The following MCUB variants were observed in gnomAD, a reference collection of about 807,000 sequenced individuals.
The protein encoded by MCUB is calcium uniporter regulatory subunit MCUb, mitochondrial.
Under a neutral mutation model 41.4 loss-of-function variants are expected in MCUB, and 46 were observed. The observed-to-expected ratio is 1.11, with a 90% CI of 0.88 to 1.42. MCUB has a LOEUF of 1.42. Among genes scored for constraint, MCUB ranks in the 40% most tolerant of loss-of-function variants. The probability of loss-of-function intolerance (pLI) is 0.00; values close to 1 mark genes in which losing one functional copy is unlikely to be tolerated. For synonymous variants in MCUB, 148 were observed against 148.2 expected, an observed-to-expected ratio of 1.00 and a Z score of 0.01; for missense variants, 403 against 404.9, an observed-to-expected ratio of 1.00 and a Z score of 0.04.
At chr4:109,578,838 G>A (rs949835568) in intron 1 of MCUB, among the ~76,000 whole-genome samples, 5 of 152,090 alleles carry the variant, frequency 3.3e-5, no homozygotes, top group Non-Finnish European at 5.9e-5. Flanking sequence ...CACAGAAATA[G>A]ACATGGGCAA....
chr4:109,605,683 A>G (rs1033839846), intron 1 of MCUB, among the ~76,000 whole-genome samples: 1 of 152,074 alleles, frequency 6.6e-6, no homozygotes, highest in Non-Finnish European at 1.5e-5. Context: ...AGCTCTAATA[A>G]TATTTGCTTT....
intron 1 of MCUB, among the ~76,000 whole-genome samples, chr4:109,633,304 G>A (rs1169738785): frequency 6.6e-6 from 1 of 151,816 alleles, no homozygotes; most frequent in Non-Finnish European, 1.5e-5. Context: ...GTCTCGGTCT[G>A]TCGCCCGGGC....
intron 1 of MCUB, among the ~76,000 whole-genome samples, chr4:109,568,876 C>T (rs1726843507): frequency 6.6e-6 from 1 of 152,076 alleles, no homozygotes; most frequent in South Asian, 2.1e-4. Context: ...ATATAAAGTT[C>T]CTTAATGGTG....
intron 1 of MCUB, among the ~76,000 whole-genome samples, chr4:109,569,497 CTTTTTT>C (rs35808519): frequency 1.6e-4 from 14 of 87,200 alleles, no homozygotes; most frequent in Admixed American, 1.1e-3. Flanking sequence ...TTGGCTATCC[CTTTTTT>C]TTTTTTTTTT....
At chr4:109,677,549 G>A (rs1729600251) in intron 4 of MCUB, among the ~76,000 whole-genome samples, 1 of 152,198 alleles carries the variant, frequency 6.6e-6, no homozygotes, top group Admixed American at 6.5e-5. Context: ...CTGTTGGGAA[G>A]TGGGACATTT....
At chr4:109,684,823 T>C in intron 6 of MCUB, 177 bp downstream of exon 6, 1 of 527,330 alleles carries the variant, frequency 1.9e-6, no homozygotes, top group Non-Finnish European at 3.3e-6. Context: ...CACAGAGAAA[T>C]TATATATAAC....
At chr4:109,660,098 T>C (rs1239364397) in intron 2 of MCUB, 97 bp from the exon 3 acceptor site, 1 of 663,286 alleles carries the variant, frequency 1.5e-6, no homozygotes, top group African/African-American at 1.8e-5. Context: ...CAGAGGTTTG[T>C]GAATTTCATG....
At chr4:109,626,246 G>A (rs1283726099) in intron 1 of MCUB, among the ~76,000 whole-genome samples, 1 of 152,092 alleles carries the variant, frequency 6.6e-6, no homozygotes, top group Non-Finnish European at 1.5e-5. Context: ...ATATGTGGAA[G>A]ATTTTTCTGG....
rs1018184758 is a variant in MCUB, at chr4:109,640,655, T to C, written c.100-18356T>C. On this transcript the variant is annotated intron_variant, in intron 1 of 7. Coordinates refer to ENST00000394650, the MANE Select transcript of MCUB (RefSeq NM_017918.5). ...CAGTTCTCTCATTTCTCTCAGACTT[T>C]ACAGAATTGAAGAGAGTTAGACCTT... Among the ~76,000 whole-genome samples, 10 of 152,232 alleles carry C rather than the reference T, an allele frequency of 6.6e-5. 1 individual carries two copies. The highest frequency in any genetic ancestry group is 5.9e-4 in the Admixed American group (9 of 15,288).
chr4:109,577,368 C>T (rs11939571), intron 1 of MCUB, among the ~76,000 whole-genome samples: 29,227 of 152,040 alleles, frequency 0.19, 3,917 homozygotes, highest in African/African-American at 0.37. Flanking sequence ...ACATGTAAAA[C>T]GATAGCTAAT....
intron 1 of MCUB, among the ~76,000 whole-genome samples, chr4:109,614,872 T>C (rs1168355425): frequency 6.6e-6 from 1 of 152,114 alleles, no homozygotes; most frequent in Non-Finnish European, 1.5e-5. Flanking sequence ...CTCATACGCA[T>C]TCATAGTAGT....
chr4:109,680,445 G>A (rs1281831501), intron 4 of MCUB, among the ~76,000 whole-genome samples: 2 of 152,168 alleles, frequency 1.3e-5, no homozygotes, highest in East Asian at 1.9e-4. Flanking sequence ...TTCAGTTCAC[G>A]CTGGACCCTA....
chr4:109,577,170 G>T (rs143242343), intron 1 of MCUB, among the ~76,000 whole-genome samples: 29 of 152,238 alleles, frequency 1.9e-4, no homozygotes, highest in African/African-American at 7.0e-4. Context: ...TTTCTTTATG[G>T]TTCCTTTAAT....
intron 1 of MCUB, among the ~76,000 whole-genome samples, chr4:109,624,710 T>C (rs1728325314): frequency 6.6e-6 from 1 of 152,106 alleles, no homozygotes; most frequent in African/African-American, 2.4e-5. Context: ...GGCAGAGATA[T>C]TTGCCACTAT....
At chr4:109,595,419 G>A (rs564975566) in intron 1 of MCUB, among the ~76,000 whole-genome samples, 12 of 152,142 alleles carry the variant, frequency 7.9e-5, no homozygotes, top group South Asian at 4.2e-4. Context: ...CATATCTGAA[G>A]AAATATTGGG....
At chr4:109,679,684 G>A (rs1264987531) in intron 4 of MCUB, among the ~76,000 whole-genome samples, 1 of 152,172 alleles carries the variant, frequency 6.6e-6, no homozygotes, top group Non-Finnish European at 1.5e-5. Flanking sequence ...TGGGGTCTGT[G>A]GTATCGTGTT....
intron 1 of MCUB, among the ~76,000 whole-genome samples, chr4:109,603,697 C>T (rs576821042): frequency 5.3e-5 from 8 of 151,096 alleles, no homozygotes; most frequent in Admixed American, 1.3e-4. Flanking sequence ...AACTGAGGAG[C>T]GCCTCTGTCC....
chr4:109,607,424 G>A (rs973026004), intron 1 of MCUB, among the ~76,000 whole-genome samples: 1 of 152,080 alleles, frequency 6.6e-6, no homozygotes, highest in Admixed American at 6.6e-5. Context: ...CACCAAGTTG[G>A]CCAGGCTGTT....
At chr4:109,670,470 C>T (rs771160283) in intron 4 of MCUB, among the ~76,000 whole-genome samples, 18 of 152,138 alleles carry the variant, frequency 1.2e-4, no homozygotes, top group Non-Finnish European at 2.1e-4. Context: ...TTAATCCCAG[C>T]ACTTTGAGAG....
Sources: gnomAD v4.1 joint callset for allele counts (sites outside exome capture counted in the v4.1 genomes callset) on GRCh38, gnomAD v4.1.1 for gene constraint, MANE v1.5 for transcripts, NCBI Gene and HGNC (gene_info 2026-07-23, HGNC 2026-07-21) for gene names.